SEMA6A: variants seen among roughly 807,000 people sequenced by gnomAD.
SEMA6A encodes semaphorin 6A, also known as semaphorin-6A.
SEMA6A carries 25 observed loss-of-function variants against 96.8 expected under a neutral mutation model. The ratio of observed to expected loss-of-function variants is 0.26; its 90% CI spans 0.19 to 0.36. The LOEUF is 0.36. Among genes scored for constraint, SEMA6A ranks in the 10% least tolerant of loss-of-function variants. SEMA6A has a pLI of 1.00. For synonymous variants in SEMA6A, 612 were observed against 518.0 expected (o/e 1.18, Z -2.46); for missense variants, 1,363 against 1,323.1 (o/e 1.03, Z -0.47).
chr5:116,499,125 C>G (rs1561499019), intron 3 of SEMA6A: 1 of 152,164 alleles, frequency 6.6e-6, no homozygotes, highest in Non-Finnish European at 1.5e-5. Context: ...ACTGGGAAGC[C>G]TTTTAAACAC....
chr5:116,536,866 T>TAAAAAAAAAAAAAAAAAAAAAA (rs72214884), intron 1 of SEMA6A, among the ~76,000 whole-genome samples: 4 of 69,520 alleles, frequency 5.8e-5, no homozygotes, highest in African/African-American at 9.5e-5. Context: ...TGTGATTTCT[T>TAAAAAAAAAAAAAAAAAAAAAA]AAAAAAAAAA....
Position 116,572,329 on chromosome 5 carries a change from G to T in SEMA6A, c.-39+1856C>A, listed in dbSNP as rs577035688. Among the ~76,000 whole-genome samples, 7 of 152,284 alleles carry T rather than the reference G, an allele frequency of 4.6e-5. No homozygotes were observed. The South Asian group carries it at 1.5e-3, about 32-fold the overall frequency. On this transcript the variant is annotated intron_variant, in intron 1 of 18. Coordinates refer to ENST00000343348, the MANE Select transcript of SEMA6A (RefSeq NM_020796.5). ...TAAAAAAAGGAGCGATCCCACTGTG[G>T]CTGTGCCTGGCCACCGCAGTTCCAA...
chr5:116,478,169 C>G lies in SEMA6A; in HGVS notation c.1428-15G>C, dbSNP rs575795982. 3 of 1,613,394 alleles carry G rather than the reference C, an allele frequency of 1.9e-6. No homozygotes were observed. The highest frequency in any genetic ancestry group is 2.5e-6 in the Non-Finnish European group (3 of 1,179,650). On this transcript the variant is annotated splice_polypyrimidine_tract_variant and intron_variant, in intron 13 of 18. Coordinates refer to ENST00000343348, the MANE Select transcript of SEMA6A (RefSeq NM_020796.5). ...CATAGCTGCATCTAATTTCATCAGG[C>G]AAGATAATATCATTAATAGACTCTT...
chr5:116,573,250 G>A (rs1159069480), intron 1 of SEMA6A, among the ~76,000 whole-genome samples: 3 of 152,210 alleles, frequency 2.0e-5, no homozygotes, highest in African/African-American at 7.2e-5. Flanking sequence ...CAGAGCCCTA[G>A]TCTGGGTTTC....
chr5:116,443,925 G>A lies in SEMA6A; in HGVS notation c.*2688C>T, dbSNP rs1580425533. On this transcript the variant is annotated 3_prime_UTR_variant, in exon 19 of 19. Coordinates refer to ENST00000343348, the MANE Select transcript of SEMA6A (RefSeq NM_020796.5). ...TTAGGGTTAACACCAGAAGTGATGG[G>A]TTGTGGGGGTGTAGGAATGTGGATG... 2 of 152,382 alleles carry A rather than the reference G, an allele frequency of 1.3e-5. No homozygotes were observed. The highest frequency in any genetic ancestry group is 4.8e-5 in the African/African-American group (2 of 41,434). The allele number at this position is 152,382 out of a possible 1,614,324, so 9.4% of individuals were successfully genotyped here.
At position 116,446,799 on chromosome 5, in the gene SEMA6A, G is replaced by C. The variant is rs377186679; in HGVS notation, c.2907C>G (p.Ile969Met). The C allele has an allele frequency of 1.9e-6, 3 of 1,613,100 alleles. No individual in the cohort carries two copies. In the African/African-American group the frequency reaches 4.0e-5, roughly 22 times the overall value. The change falls in exon 19 of 19, where the codon ATC becomes ATG. Residue 969 changes from isoleucine (I) to methionine (M), a missense_variant. Ile to Met is a conservative substitution (Grantham distance 10). Transcript: ENST00000343348. ...PPPAPQRVDS[I>M]QVHSSQPSGQ... ...CAGATGGCTGGGAGCTGTGCACCTG[G>C]ATGGAGTCCACCCTCTGCGGGGCGG...
chr5:116,547,693 G>C (rs1228076466), intron 1 of SEMA6A, among the ~76,000 whole-genome samples: 1 of 138,478 alleles, frequency 7.2e-6, no homozygotes, highest in Admixed American at 7.8e-5. Context: ...CTAAACCAGG[G>C]GATAAAATCC....
At chr5:116,539,530 T>G (rs140037217) in intron 1 of SEMA6A, among the ~76,000 whole-genome samples, 1 of 152,234 alleles carries the variant, frequency 6.6e-6, no homozygotes, top group East Asian at 1.9e-4. Context: ...GAGAAATGGC[T>G]CCCTAGATTC....
chr5:116,543,691 T>G (rs1049035254), intron 1 of SEMA6A, among the ~76,000 whole-genome samples: 5 of 152,198 alleles, frequency 3.3e-5, no homozygotes, highest in African/African-American at 1.2e-4. Context: ...ACAGATTAGG[T>G]AGCAGAAATA....
intron 7 of SEMA6A, among the ~76,000 whole-genome samples, chr5:116,490,461 A>T (rs1290754760): frequency 6.6e-6 from 1 of 152,172 alleles, no homozygotes; most frequent in Admixed American, 6.5e-5. Flanking sequence ...CAACTAATGC[A>T]GGTTCCAAGT....
chr5:116,484,588 A>C (rs1756948110), intron 10 of SEMA6A, among the ~76,000 whole-genome samples: 1 of 152,088 alleles, frequency 6.6e-6, no homozygotes, highest in Non-Finnish European at 1.5e-5. Flanking sequence ...GGCTCATTGC[A>C]CTCCAGCCTG....
intron 1 of SEMA6A, among the ~76,000 whole-genome samples, chr5:116,512,562 G>A (rs997677815): frequency 3.3e-5 from 5 of 152,078 alleles, no homozygotes; most frequent in South Asian, 2.1e-4. Context: ...AACTGAATTC[G>A]TAAGTACTTC....
At chr5:116,512,536 C>T (rs1000973104) in intron 1 of SEMA6A, among the ~76,000 whole-genome samples, 1 of 152,116 alleles carries the variant, frequency 6.6e-6, no homozygotes, top group Non-Finnish European at 1.5e-5. Flanking sequence ...AAACCACTAT[C>T]ACAAAAACGT....
chr5:116,503,695 T>G (rs1312765840), intron 2 of SEMA6A, among the ~76,000 whole-genome samples: 1 of 151,900 alleles, frequency 6.6e-6, no homozygotes, highest in Non-Finnish European at 1.5e-5. Context: ...TCTTTTGTAT[T>G]TTAGTAGAGA....
chr5:116,541,698 T>C (rs1259512753), intron 1 of SEMA6A, among the ~76,000 whole-genome samples: 1 of 152,150 alleles, frequency 6.6e-6, no homozygotes, highest in Non-Finnish European at 1.5e-5. Flanking sequence ...CTGGGCGTGG[T>C]GGCGTGCACC....
At chr5:116,515,706 T>A (rs1758638689) in intron 1 of SEMA6A, among the ~76,000 whole-genome samples, 1 of 152,204 alleles carries the variant, frequency 6.6e-6, no homozygotes, top group Non-Finnish European at 1.5e-5. Context: ...GTATAGTTAA[T>A]AGAAATACAA....
chr5:116,494,541 A>G (rs1049318278), intron 6 of SEMA6A, among the ~76,000 whole-genome samples: 3 of 151,788 alleles, frequency 2.0e-5, no homozygotes, highest in African/African-American at 7.3e-5. Flanking sequence ...GCTTTCCCAG[A>G]CTCCTCACCT....
chr5:116,539,111 C>G (rs1440473186), intron 1 of SEMA6A, among the ~76,000 whole-genome samples: 1 of 152,100 alleles, frequency 6.6e-6, no homozygotes, highest in African/African-American at 2.4e-5. Context: ...CTACCACAAC[C>G]CAATGTCCCC....
chr5:116,573,158 G>T (rs73780382), intron 1 of SEMA6A, among the ~76,000 whole-genome samples: 13,173 of 152,206 alleles, frequency 0.087, 1,961 homozygotes, highest in African/African-American at 0.3. Flanking sequence ...GATCAGGCAG[G>T]GTGGGTGGGC....
Sources: allele counts gnomAD v4.1 joint callset (sites outside exome capture counted in the v4.1 genomes callset), GRCh38; gene constraint gnomAD v4.1.1; transcripts MANE v1.5; gene names NCBI Gene and HGNC (gene_info 2026-07-23, HGNC 2026-07-21).